The following GLYATL1 variants were observed in gnomAD, a reference collection of about 807,000 sequenced individuals.
The protein encoded by GLYATL1 is glycine N-acyltransferase-like protein 1.
In GLYATL1, 15 loss-of-function variants were observed where a neutral mutation model predicts 20.0. The observed-to-expected ratio is 0.75, with a 90% CI of 0.50 to 1.15. The LOEUF (loss-of-function observed/expected upper bound fraction) is 1.15. Ranked by LOEUF, GLYATL1 falls within the 50% of genes most tolerant of loss-of-function variation. GLYATL1 has a pLI of 0.00. For missense variants in GLYATL1, 380 were observed against 368.5 expected (o/e 1.03, Z -0.26); for synonymous variants, 151 against 131.5 (o/e 1.15, Z -1.01).
chr11:58,946,063 G>A (rs1449487153), intron 2 of GLYATL1, among the ~76,000 whole-genome samples: 4 of 152,016 alleles, frequency 2.6e-5, no homozygotes, highest in African/African-American at 7.3e-5. Flanking sequence ...TATCTGATTC[G>A]TGGGTTCCTT....
intron 1 of GLYATL1, among the ~76,000 whole-genome samples, chr11:58,931,455 A>G (rs1394953547): frequency 6.6e-6 from 1 of 152,208 alleles, no homozygotes; most frequent in Non-Finnish European, 1.5e-5. Flanking sequence ...TATGTTGCAA[A>G]CCTGGCAGTA....
At position 58,955,358 on chromosome 11, in the gene GLYATL1, A is replaced by G. The variant is rs781620863; in HGVS notation, c.491+5A>G. 4 of 1,610,014 alleles carry G rather than the reference A, an allele frequency of 2.5e-6. No homozygotes were observed. The East Asian group carries it at 8.9e-5, about 36-fold the overall frequency. The stretch of plus-strand genomic sequence containing the variant: ...CCCAGATGATGAATTTGAAAGGTAC[A>G]AAAACATGTGCTGATCATTTATAAT... On this transcript the variant is annotated splice_donor_5th_base_variant and intron_variant, in intron 6 of 6. Coordinates refer to ENST00000532726, the MANE Select transcript of GLYATL1 (RefSeq NM_001389712.2).
chr11:58,947,819 G>C (rs747935756), intron 3 of GLYATL1, 39 bp from the exon 4 acceptor site: 7 of 1,358,446 alleles, frequency 5.2e-6, no homozygotes, highest in Non-Finnish European at 7.4e-6. Flanking sequence ...CATCTCTGGG[G>C]ATCTCAACCT....
intron 1 of GLYATL1, among the ~76,000 whole-genome samples, chr11:58,915,148 A>C (rs1003342732): frequency 1.3e-5 from 2 of 152,214 alleles, no homozygotes; most frequent in Non-Finnish European, 2.9e-5. Context: ...AAATTCTTCT[A>C]TTCTTACCAA....
chr11:58,909,078 T>C (rs1230220664), downstream of GLYATL1, among the ~76,000 whole-genome samples: 1 of 152,170 alleles, frequency 6.6e-6, no homozygotes, highest in South Asian at 2.1e-4. Flanking sequence ...AAAATGATAA[T>C]ACTAAATTGA....
chr11:58,924,398 C>T (rs1855377812), upstream of GLYATL1, among the ~76,000 whole-genome samples: 2 of 152,206 alleles, frequency 1.3e-5, no homozygotes, highest in South Asian at 4.2e-4. Context: ...TAGTATTTAC[C>T]CTATGACCTA....
At position 58,954,900 on chromosome 11, in the gene GLYATL1, A is replaced by G; in HGVS notation, c.313+4A>G. The G allele has an allele frequency of 6.2e-7, 1 of 1,604,998 alleles. No homozygotes were observed. Among genetic ancestry groups the G allele is most frequent in the Non-Finnish European group, 8.5e-7 (1 of 1,177,466 alleles). On this transcript the variant is annotated splice_donor_region_variant and intron_variant, in intron 5 of 6. Coordinates refer to ENST00000532726, the MANE Select transcript of GLYATL1 (RefSeq NM_001389712.2). Reference sequence around the variant, plus strand: ...AAACAGAGACTCCAAATCCAAGGTAACGAGTCTGAAGAAATGGGCAAGCAG... The same window carrying G: ...AAACAGAGACTCCAAATCCAAGGTAGCGAGTCTGAAGAAATGGGCAAGCAG...
At chr11:58,917,721 T>C (rs1346031255) in intron 1 of GLYATL1, among the ~76,000 whole-genome samples, 1 of 152,250 alleles carries the variant, frequency 6.6e-6, no homozygotes, top group Non-Finnish European at 1.5e-5. Context: ...TTGAAGTTAC[T>C]AGTTACAGAA....
downstream of GLYATL1, among the ~76,000 whole-genome samples, chr11:58,910,400 C>T (rs1855011150): frequency 6.6e-6 from 1 of 152,084 alleles, no homozygotes. Flanking sequence ...GCCATAATCA[C>T]ATGTGATTAT....
At chr11:58,938,761 C>T (rs188939365), upstream of GLYATL1, among the ~76,000 whole-genome samples, 156 of 152,236 alleles carry the variant, frequency 1.0e-3, no homozygotes, top group African/African-American at 3.4e-3. Flanking sequence ...TAGTTCCAGC[C>T]GTATCCCTCT....
At chr11:58,920,635 G>A (rs76563169) in intron 1 of GLYATL1, among the ~76,000 whole-genome samples, 49 of 152,306 alleles carry the variant, frequency 3.2e-4, no homozygotes, top group African/African-American at 1.2e-3. Context: ...TCCTGGCACT[G>A]ACAAGATGGA....
intron 5 of GLYATL1, 99 bp downstream of exon 5, chr11:58,954,995 T>G: frequency 2.2e-6 from 3 of 1,363,008 alleles, no homozygotes; most frequent in Non-Finnish European, 3.0e-6. Flanking sequence ...GAAATGTAAA[T>G]TCACAGAAAC....
chr11:58,913,967 C>G (rs1053887543), intron 1 of GLYATL1, among the ~76,000 whole-genome samples: 6 of 152,148 alleles, frequency 3.9e-5, no homozygotes, highest in Admixed American at 3.3e-4. Flanking sequence ...AAGGAACATG[C>G]CTGGGTTTTC....
At chr11:58,943,853 G>A (rs763474492) in intron 2 of GLYATL1, among the ~76,000 whole-genome samples, 187 bp downstream of exon 2, 1 of 152,144 alleles carries the variant, frequency 6.6e-6, no homozygotes, top group Non-Finnish European at 1.5e-5. Flanking sequence ...ATCTCACTGG[G>A]TCAGAAAGGA....
rs540370507 is a variant in GLYATL1 at position 58,944,110 on chromosome 11, A to G, written c.-43+444A>G. Among the ~76,000 whole-genome samples the G allele has an allele frequency of 3.3e-5, 5 of 152,304 alleles. No individual in the cohort carries two copies. In the South Asian group the frequency reaches 1.0e-3, roughly 32 times the overall value. ...TCTGGCTTATACATTAGGACTGTATACCAAGTCTTACAGAAATGGCAAAAC... is the reference window on the plus strand; with the variant it reads ...TCTGGCTTATACATTAGGACTGTATGCCAAGTCTTACAGAAATGGCAAAAC... On this transcript the variant is annotated intron_variant, in intron 2 of 6. Transcript: ENST00000532726.
downstream of GLYATL1, among the ~76,000 whole-genome samples, chr11:58,910,851 T>G (rs944931591): frequency 2.6e-5 from 4 of 152,202 alleles, no homozygotes; most frequent in Non-Finnish European, 5.9e-5. Flanking sequence ...GAGTATACAG[T>G]TCAATGGCTT....
At position 58,906,315 on chromosome 11, in the gene GLYATL1, G is replaced by A. The variant is rs552697786; in HGVS notation, n.238+654G>A. Among the ~76,000 whole-genome samples, 6 of 152,326 alleles carry A rather than the reference G, an allele frequency of 3.9e-5. No individual in the cohort carries two copies. In the South Asian group the frequency reaches 1.2e-3, roughly 32 times the overall value. On this transcript the variant is annotated intron_variant and non_coding_transcript_variant, in intron 1 of 1. Transcript: ENST00000524629. ...AAAGATACATGGAGATCGTCTGGGT[G>A]TTCCTGAATCTCAAGAGTGTCGTTT...
At chr11:58,946,761 T>C (rs774382969) in intron 2 of GLYATL1, 1 of 450,700 alleles carries the variant, frequency 2.2e-6, no homozygotes, top group Non-Finnish European at 4.1e-6. Flanking sequence ...GTTACAGGCA[T>C]TTGGGAAGCT....
upstream of GLYATL1, among the ~76,000 whole-genome samples, chr11:58,925,059 G>T (rs1415817233): frequency 6.6e-6 from 1 of 152,142 alleles, no homozygotes; most frequent in East Asian, 1.9e-4. Flanking sequence ...GGGTCCTTAG[G>T]GTTTTTCCTA....
Sources: gnomAD v4.1 joint callset for allele counts (sites outside exome capture counted in the v4.1 genomes callset) on GRCh38, gnomAD v4.1.1 for gene constraint, MANE v1.5 for transcripts, NCBI Gene and HGNC (gene_info 2026-07-23, HGNC 2026-07-21) for gene names.